The following MCTP2 variants were observed in gnomAD, a reference collection of about 807,000 sequenced individuals.
MCTP2 encodes the protein multiple C2 and transmembrane domain-containing protein 2.
MCTP2 carries 132 observed loss-of-function variants against 111.6 expected under a neutral mutation model. The ratio of observed to expected loss-of-function variants is 1.18; its 90% CI spans 1.03 to 1.37. MCTP2 has a LOEUF of 1.37. MCTP2 is among the 40% of genes most tolerant of loss of function. MCTP2 has a pLI of 0.00. For synonymous variants in MCTP2, 395 were observed against 387.7 expected, an observed-to-expected ratio of 1.02 and a Z score of -0.22; for missense variants, 1,183 against 1,067.9, an observed-to-expected ratio of 1.11 and a Z score of -1.50.
At chr15:94,450,227 A>G (rs138383641) in intron 19 of MCTP2, among the ~76,000 whole-genome samples, 7 of 152,350 alleles carry the variant, frequency 4.6e-5, no homozygotes, top group Non-Finnish European at 8.8e-5. Flanking sequence ...ATACTATTTT[A>G]TATTCATTTC....
chr15:94,333,119 C>T (rs1157882603), intron 4 of MCTP2, among the ~76,000 whole-genome samples: 1 of 152,272 alleles, frequency 6.6e-6, no homozygotes, highest in East Asian at 1.9e-4. Flanking sequence ...TCTGTAATCC[C>T]AGCTACTTGG....
chr15:94,265,786 T>C (rs1204621853), intron 1 of MCTP2, among the ~76,000 whole-genome samples: 1 of 152,196 alleles, frequency 6.6e-6, no homozygotes, highest in Non-Finnish European at 1.5e-5. Context: ...TATAAACATT[T>C]GAAAACTTAG....
At chr15:94,303,765 C>T (rs2075757229) in intron 2 of MCTP2, among the ~76,000 whole-genome samples, 1 of 152,074 alleles carries the variant, frequency 6.6e-6, no homozygotes, top group Non-Finnish European at 1.5e-5. Flanking sequence ...TACTGAAATC[C>T]TTCCCATACT....
rs2074691426 is a variant in MCTP2, at chr15:94,480,872, C to A, written c.*1838C>A. On this transcript the variant is annotated 3_prime_UTR_variant, in exon 23 of 23. Transcript: ENST00000357742. The stretch of plus-strand genomic sequence containing the variant: ...AAGGCATCATTAGTTAGACTTGTTT[C>A]CTCTGTAGCCCGATTGAAATTCTCA... The A allele has an allele frequency of 6.6e-6, 1 of 152,168 alleles. No individual in the cohort carries two copies. Among genetic ancestry groups the A allele is most frequent in the Non-Finnish European group, 1.5e-5 (1 of 68,028 alleles). The allele number at this position is 152,168 out of a possible 1,614,324, so 9.4% of individuals were successfully genotyped here.
chr15:94,264,710 T>G (rs1023386284), intron 1 of MCTP2, among the ~76,000 whole-genome samples: 10 of 152,224 alleles, frequency 6.6e-5, no homozygotes, highest in Admixed American at 4.6e-4. Context: ...CCCTCAAGTG[T>G]AAACTATTAA....
intron 16 of MCTP2, among the ~76,000 whole-genome samples, chr15:94,400,763 A>G (rs1322311395): frequency 6.6e-6 from 1 of 151,854 alleles, no homozygotes; most frequent in Middle Eastern, 3.2e-3. Context: ...TACTTCCACC[A>G]CTTCCTTTGG....
chr15:94,314,207 C>A, intron 2 of MCTP2, 75 bp from the exon 3 acceptor site: 1 of 1,000,156 alleles, frequency 1.0e-6, no homozygotes, highest in Non-Finnish European at 1.6e-6. Flanking sequence ...AGGAAAAGAC[C>A]TGATAGAGGG....
intron 12 of MCTP2, among the ~76,000 whole-genome samples, chr15:94,377,014 T>C (rs2079813169): frequency 1.3e-5 from 2 of 152,256 alleles, no homozygotes; most frequent in Admixed American, 1.3e-4. Flanking sequence ...AAAATGTTTC[T>C]GCCTTGTACT....
rs1038145932 is a variant in MCTP2 at position 94,465,516 on chromosome 15, C to T, written c.2361-4817C>T. Among the ~76,000 whole-genome samples the T allele has an allele frequency of 3.9e-5, 6 of 152,188 alleles. No individual in the cohort carries two copies. In the East Asian group the frequency reaches 5.8e-4, roughly 15 times the overall value. On this transcript the variant is annotated intron_variant, in intron 20 of 22. Coordinates refer to ENST00000357742, the MANE Select transcript of MCTP2 (RefSeq NM_001385001.1). ...AGATATCTTATTGTATGTAACATTTCGGAACTCCGACTAACTGAAACCACA... is the reference window on the plus strand; with the variant it reads ...AGATATCTTATTGTATGTAACATTTTGGAACTCCGACTAACTGAAACCACA...
At chr15:94,457,293 G>T (rs1245353578) in intron 19 of MCTP2, among the ~76,000 whole-genome samples, 1 of 152,112 alleles carries the variant, frequency 6.6e-6, no homozygotes, top group South Asian at 2.1e-4. Context: ...CTACTCTTTA[G>T]GGAATCTCCT....
rs190227817 is a variant in MCTP2, at chr15:94,379,968, C to T, written c.1583-4054C>T. On this transcript the variant is annotated intron_variant, in intron 12 of 22. Coordinates refer to ENST00000357742, the MANE Select transcript of MCTP2 (RefSeq NM_001385001.1). ...ATAAATTTGATGCTTTGACCTGTCC[C>T]GTCTCCACAAGAAGGACTTATCCAT... 1.3e-4 allele frequency among the ~76,000 whole-genome samples: 19 copies of T among 149,876 alleles called. No individual in the cohort carries two copies. In the South Asian group the frequency reaches 2.3e-3, roughly 18 times the overall value.
intron 17 of MCTP2, among the ~76,000 whole-genome samples, chr15:94,439,802 A>G (rs908824361): frequency 6.6e-6 from 1 of 152,220 alleles, no homozygotes; most frequent in Non-Finnish European, 1.5e-5. Context: ...TTGGCAGCCA[A>G]CTGAAAAAGT....
intron 2 of MCTP2, among the ~76,000 whole-genome samples, chr15:94,303,615 G>A (rs969162795): frequency 3.3e-5 from 5 of 152,108 alleles, no homozygotes; most frequent in African/African-American, 9.7e-5. Context: ...TCACTGTCAC[G>A]AGAACAGCAT....
intron 12 of MCTP2, among the ~76,000 whole-genome samples, chr15:94,374,246 T>C (rs1315345172): frequency 1.3e-5 from 2 of 152,200 alleles, no homozygotes; most frequent in African/African-American, 4.8e-5. Flanking sequence ...AATGGGTTAA[T>C]GGGAAAATTG....
At chr15:94,418,972 A>G (rs1255301430) in intron 17 of MCTP2, among the ~76,000 whole-genome samples, 4 of 152,174 alleles carry the variant, frequency 2.6e-5, no homozygotes, top group African/African-American at 9.6e-5. Context: ...AATACATTTT[A>G]TATGTACTTT....
intron 16 of MCTP2, among the ~76,000 whole-genome samples, chr15:94,400,233 A>G (rs2081500917): frequency 6.6e-6 from 1 of 152,160 alleles, no homozygotes; most frequent in African/African-American, 2.4e-5. Flanking sequence ...GTGAAACAGA[A>G]GGTCTCAGGC....
At chr15:94,471,811 T>C (rs531709684) in intron 21 of MCTP2, among the ~76,000 whole-genome samples, 1 of 152,320 alleles carries the variant, frequency 6.6e-6, no homozygotes, top group African/African-American at 2.4e-5. Context: ...TGAATGTTAT[T>C]TGCATCAACT....
At chr15:94,353,685 C>T (rs866575492) in intron 8 of MCTP2, among the ~76,000 whole-genome samples, 2 of 151,920 alleles carry the variant, frequency 1.3e-5, no homozygotes, top group African/African-American at 2.4e-5. Context: ...GAAGCATGGC[C>T]GTGGGACAGG....
At chr15:94,258,033 C>CTT (rs2072941740) in intron 1 of MCTP2, among the ~76,000 whole-genome samples, 4 of 84,946 alleles carry the variant, frequency 4.7e-5, no homozygotes, top group Admixed American at 1.3e-4. Flanking sequence ...GCCACCATGT[C>CTT]ATTTTTTTTT....
Sources: gnomAD v4.1 joint callset for allele counts (sites outside exome capture counted in the v4.1 genomes callset) on GRCh38, gnomAD v4.1.1 for gene constraint, MANE v1.5 for transcripts, NCBI Gene and HGNC (gene_info 2026-07-23, HGNC 2026-07-21) for gene names.